The following ASB15 variants were observed in gnomAD, a reference collection of about 807,000 sequenced individuals.
The protein encoded by ASB15 is ankyrin repeat and SOCS box protein 15.
Under a neutral mutation model 58.0 loss-of-function variants are expected in ASB15, and 54 were observed. That is an observed-to-expected ratio of 0.93 (90% CI 0.75 to 1.17). ASB15 has a LOEUF of 1.17. Ranked by LOEUF, ASB15 falls within the 50% of genes most tolerant of loss-of-function variation. The pLI, the probability that ASB15 is intolerant of heterozygous loss-of-function variation, is 0.00. For synonymous variants in ASB15, 249 were observed against 262.4 expected (o/e 0.95, Z 0.50); for missense variants, 680 against 707.4 (o/e 0.96, Z 0.44).
At chr7:123,615,199 AC>A (rs1011817218) in intron 4 of ASB15, 6 of 152,484 alleles carry the variant, frequency 3.9e-5, no homozygotes, top group African/African-American at 1.4e-4. Context: ...ATTAAAATAT[AC>A]CTAAAAGTGA....
upstream of ASB15, among the ~76,000 whole-genome samples, chr7:123,597,838 A>T (rs1435724196): frequency 6.6e-6 from 1 of 152,226 alleles, no homozygotes; most frequent in South Asian, 2.1e-4. Context: ...CTGAAAAAAA[A>T]ATAATCCTTC....
At chr7:123,625,964 A>G (rs1801743636) in intron 8 of ASB15, among the ~76,000 whole-genome samples, 3 of 149,282 alleles carry the variant, frequency 2.0e-5, no homozygotes, top group Admixed American at 6.7e-5. Context: ...CACGGAAGTA[A>G]ACGGCTTGCC....
chr7:123,580,211 G>A (rs1584729010), intron 1 of ASB15, among the ~76,000 whole-genome samples: 1 of 152,126 alleles, frequency 6.6e-6, no homozygotes, highest in African/African-American at 2.4e-5. Flanking sequence ...CCAGCGAAAG[G>A]ATGCGTTTTG....
intron 1 of ASB15, among the ~76,000 whole-genome samples, chr7:123,584,504 G>A (rs1054495896): frequency 6.6e-6 from 1 of 151,798 alleles, no homozygotes; most frequent in Admixed American, 6.6e-5. Flanking sequence ...CTAACATCTT[G>A]TTCTAAATGT....
intron 2 of ASB15, among the ~76,000 whole-genome samples, chr7:123,605,969 A>G (rs890252473): frequency 1.3e-5 from 2 of 152,144 alleles, no homozygotes; most frequent in African/African-American, 4.8e-5. Context: ...TATATAACAA[A>G]CGTTAAGATA....
rs1039611068 is a variant in ASB15, at chr7:123,630,279, C to T, written c.1594+160C>T. 2.6e-5 allele frequency among the ~76,000 whole-genome samples: 4 copies of T among 152,110 alleles called. No homozygotes were observed. The East Asian group carries it at 7.7e-4, about 29-fold the overall frequency. ...TTAACACTTCCTCTGTTGTAAGATA[C>T]ATATTTTCATTTTTCTTTATATTTT... On this transcript the variant is annotated intron_variant, in intron 11 of 11. Transcript: ENST00000451215.
intron 7 of ASB15, among the ~76,000 whole-genome samples, chr7:123,623,931 AAAAGAAAGAAAGAAAG>A (rs201240574): frequency 0.094 from 9,650 of 103,054 alleles, 524 homozygotes; most frequent in Middle Eastern, 0.15. Flanking sequence ...AGAAAGAAAG[AAAAGAAAGAAAGAAAG>A]AAAGAAAGAA....
intron 2 of ASB15, among the ~76,000 whole-genome samples, chr7:123,606,344 TTC>T (rs1800147657): frequency 6.6e-6 from 1 of 152,164 alleles, no homozygotes; most frequent in Admixed American, 6.5e-5. Context: ...TTGGGCAATC[TTC>T]TCTCTTCTCG....
At chr7:123,577,118 G>A (rs1384997127) in intron 1 of ASB15, among the ~76,000 whole-genome samples, 1 of 151,990 alleles carries the variant, frequency 6.6e-6, no homozygotes, top group African/African-American at 2.4e-5. Flanking sequence ...ATAAACTGAA[G>A]TCTCTGTCTT....
chr7:123,586,638 G>A lies in ASB15; in HGVS notation c.-442-17394G>A, dbSNP rs551733208. 9.9e-5 allele frequency among the ~76,000 whole-genome samples: 15 copies of A among 151,690 alleles called. No homozygotes were observed. The East Asian group carries it at 2.7e-3, about 27-fold the overall frequency. On this transcript the variant is annotated intron_variant, in intron 1 of 13. Coordinates refer to the ASB15 transcript ENST00000451558. ...CCAAAAAATTATTGCCAAGTCCATT[G>A]TCAAGTACACCTCCCCCAGCCAACC...
intron 2 of ASB15, among the ~76,000 whole-genome samples, chr7:123,605,612 G>A (rs771444612): frequency 1.3e-5 from 2 of 152,126 alleles, no homozygotes; most frequent in African/African-American, 2.4e-5. Context: ...AATGACAGTA[G>A]ACTGGATAAA....
intron 3 of ASB15, among the ~76,000 whole-genome samples, chr7:123,613,562 T>C (rs749541310): frequency 1.6e-4 from 24 of 152,208 alleles, no homozygotes; most frequent in Non-Finnish European, 2.2e-4. Context: ...TTTTTCTGTA[T>C]TATCTTCAGG....
At chr7:123,619,860 G>C (rs920630153) in intron 7 of ASB15, 1 of 152,210 alleles carries the variant, frequency 6.6e-6, no homozygotes, top group Non-Finnish European at 1.5e-5. Context: ...AGAACTTTCA[G>C]CCTTCACAAA....
At chr7:123,577,557 A>T (rs138113565) in intron 1 of ASB15, among the ~76,000 whole-genome samples, 1 of 152,270 alleles carries the variant, frequency 6.6e-6, no homozygotes, top group East Asian at 1.9e-4. Flanking sequence ...TTGTAAGTCA[A>T]ATTAAATTCT....
intron 1 of ASB15, among the ~76,000 whole-genome samples, chr7:123,593,246 T>A (rs564953012): frequency 2.6e-5 from 4 of 152,338 alleles, no homozygotes; most frequent in African/African-American, 9.6e-5. Context: ...CTGTGTCTTG[T>A]AATTGGGGCA....
intron 8 of ASB15, 153 bp downstream of exon 8, chr7:123,624,967 C>T (rs1384269942): frequency 2.3e-6 from 2 of 857,674 alleles, no homozygotes; most frequent in Non-Finnish European, 3.5e-6. Flanking sequence ...CACCTGGTCC[C>T]TCAGTAGACC....
At chr7:123,583,255 AAGAC>A (rs1429436744) in intron 1 of ASB15, among the ~76,000 whole-genome samples, 2 of 151,954 alleles carry the variant, frequency 1.3e-5, no homozygotes, top group East Asian at 3.9e-4. Context: ...AAATAAATAA[AAGAC>A]AGCACTGTAG....
chr7:123,639,323 C>T lies in ASB15; in HGVS notation c.*2342C>T, dbSNP rs1802540693. ...ACTGTAATGTATTTATATTTAATTGCAACATCTTGTATACAAGATTTTATT... is the reference window on the plus strand; with the variant it reads ...ACTGTAATGTATTTATATTTAATTGTAACATCTTGTATACAAGATTTTATT... On this transcript the variant is annotated 3_prime_UTR_variant, in exon 12 of 12. Transcript: ENST00000451215. 6.6e-6 allele frequency: 1 copy of T among 152,056 alleles called. No individual in the cohort carries two copies. Among genetic ancestry groups the T allele is most frequent in the South Asian group, 2.1e-4 (1 of 4,816 alleles). The allele number at this position is 152,056 out of a possible 1,614,324, so 9.4% of individuals were successfully genotyped here.
intron 4 of ASB15, among the ~76,000 whole-genome samples, chr7:123,615,685 C>A (rs952549566): frequency 8.5e-5 from 13 of 152,164 alleles, no homozygotes; most frequent in African/African-American, 3.1e-4. Flanking sequence ...ACTTGTGGAA[C>A]AGTTGATTTA....
Sources: gnomAD v4.1 joint callset for allele counts (sites outside exome capture counted in the v4.1 genomes callset) on GRCh38, gnomAD v4.1.1 for gene constraint, MANE v1.5 for transcripts, NCBI Gene and HGNC (gene_info 2026-07-23, HGNC 2026-07-21) for gene names.